The following ZFHX2 variants were observed in gnomAD, a reference collection of about 807,000 sequenced individuals.
ZFHX2 encodes the protein zinc finger homeobox 2.
A neutral mutation model predicts 164.8 loss-of-function variants in ZFHX2; 75 were observed. The observed-to-expected ratio is 0.46, with a 90% CI of 0.38 to 0.55. ZFHX2 has a LOEUF of 0.55. Among genes scored for constraint, ZFHX2 ranks in the 20% least tolerant of loss-of-function variants. ZFHX2 has a pLI of 0.00. For missense variants in ZFHX2, 2,933 were observed against 3,308.0 expected (o/e 0.89, Z 2.78); for synonymous variants, 1,217 against 1,351.4 (o/e 0.90, Z 2.18).
At chr14:23,552,448 A>C (rs1882045165), upstream of ZFHX2, among the ~76,000 whole-genome samples, 1 of 151,478 alleles carries the variant, frequency 6.6e-6, no homozygotes, top group Non-Finnish European at 1.5e-5. Context: ...ATGCATCAAC[A>C]CACCCAGCTA....
rs746863707 is a variant in ZFHX2, at chr14:23,531,699, G to A, written c.2582C>T (p.Ala861Val). ...TAGCCCCAGCTCTGCCCCTGCCTCC[G>A]CTCCCTCCATGTCCAGCAGAAACTA... ...IYKFLLDMEG[A>V]EAGAELGLYH... Residue 861 changes from alanine (A) to valine (V), a missense_variant, in exon 4 of 10, where the codon GCG (alanine) becomes GTG (valine). Ala to Val is a moderately conservative substitution (Grantham distance 64). Transcript: ENST00000419474. 26 of 1,374,720 alleles carry A rather than the reference G, an allele frequency of 1.9e-5. No individual in the cohort carries two copies. In the African/African-American group the frequency reaches 2.3e-4, roughly 12 times the overall value. The allele number at this position is 1,374,720 out of a possible 1,614,324, so 85.2% of individuals were successfully genotyped here.
upstream of ZFHX2, among the ~76,000 whole-genome samples, chr14:23,553,076 T>C (rs1251994788): frequency 6.6e-6 from 1 of 152,108 alleles, no homozygotes; most frequent in Non-Finnish European, 1.5e-5. Context: ...AGGCCCAAGG[T>C]CCAATGGCCA....
rs758713774 is a variant in ZFHX2 at position 23,525,260 on chromosome 14, C to T, written c.4682G>A (p.Gly1561Glu). Reference protein sequence around the residue: ...PFLVPEPEAGGTRAPEERSRA... With the variant: ...PFLVPEPEAGETRAPEERSRA... ...ACTTCGCTCTTCAGGGGCACGGGTC[C>T]CCCCTGCCTCAGGCTCTGGGACCAG... The change falls in exon 9 of 10, where the codon GGG becomes GAG. Residue 1561 changes from glycine to glutamate, a missense_variant. Coordinates refer to ENST00000419474, the MANE Select transcript of ZFHX2 (RefSeq NM_033400.3). The surrounding 1 kb of genome is among the most constrained non-coding windows in gnomAD (Gnocchi z 5.9). 2.3e-5 allele frequency: 35 copies of T among 1,535,946 alleles called. No individual in the cohort carries two copies. In the Admixed American group the frequency reaches 3.3e-4, roughly 15 times the overall value.
At position 23,533,440 on chromosome 14, in the gene ZFHX2, G is replaced by C. The variant is rs990271455; in HGVS notation, c.1886C>G (p.Pro629Arg). The change falls in exon 2 of 10, where the codon CCT (proline) becomes CGT (arginine). Residue 629 changes from proline (P) to arginine (R), a missense_variant. Transcript: ENST00000419474. This position sits in a 1 kb window ranked among gnomAD's most constrained non-coding sequence, Gnocchi z 4.8. ...GGGCCCAAAGTACTGGAAGAGTTCA[G>C]GGGGGCTAGTGGGGGTAGCCCCTGG... ...PPPGATPTSP[P>R]ELFQYFGPQA... The C allele has an allele frequency of 2.0e-6, 3 of 1,531,614 alleles. No individual in the cohort carries two copies. The highest frequency in any genetic ancestry group is 2.4e-5 in the East Asian group (1 of 40,838). 94.9% of individuals were successfully genotyped at this position (1,531,614 alleles called of 1,614,324 possible). A position where few individuals can be genotyped will look rare whatever the true frequency, so the allele number is the denominator to read the frequency against.
At position 23,532,554 on chromosome 14, in the gene ZFHX2, G is replaced by A. The variant is rs1359879565; in HGVS notation, c.2559+13C>T. The A allele has an allele frequency of 2.8e-6, 4 of 1,432,534 alleles. No individual in the cohort carries two copies. Among genetic ancestry groups the A allele is most frequent in the East Asian group, 2.5e-5 (1 of 39,734 alleles). 88.7% of individuals were successfully genotyped at this position (1,432,534 alleles called of 1,614,324 possible). On this transcript the variant is annotated intron_variant, in intron 3 of 9. Coordinates refer to ENST00000419474, the MANE Select transcript of ZFHX2 (RefSeq NM_033400.3). ...TTCTCCTCTTCCGATGGCCCTTCCT[G>A]ACCCAGCCTCACCTTATAGATTTGG... is the stretch of plus-strand genomic sequence containing the variant.
chr14:23,523,376 T>A lies in ZFHX2; in HGVS notation c.6566A>T (p.Tyr2189Phe). The change falls in exon 9 of 10, where the codon TAC (tyrosine) becomes TTC (phenylalanine). Residue 2189 changes from tyrosine (Y) to phenylalanine (F), a missense_variant. Transcript: ENST00000419474. This position sits in a 1 kb window ranked among gnomAD's most constrained non-coding sequence, Gnocchi z 4.1. ...RAQLKSESKC[Y>F]DLAPAPEAPP... ...AGCCTCAGGTGCTGGGGCCAAGTCGTAGCACTTGCTTTCACTCTTCAGCTG... is the reference window on the plus strand; with the variant it reads ...AGCCTCAGGTGCTGGGGCCAAGTCGAAGCACTTGCTTTCACTCTTCAGCTG... 6.7e-7 allele frequency: 1 copy of A among 1,491,430 alleles called. No homozygotes were observed. Among genetic ancestry groups the A allele is most frequent in the Non-Finnish European group, 8.9e-7 (1 of 1,124,070 alleles). 92.4% of individuals were successfully genotyped at this position (1,491,430 alleles called of 1,614,324 possible). A position where few individuals can be genotyped will look rare whatever the true frequency, so the allele number is the denominator to read the frequency against.
chr14:23,534,381 C>T lies in ZFHX2; in HGVS notation c.945G>A (p.Glu315=). 1 of 1,536,826 alleles carries T rather than the reference C, an allele frequency of 6.5e-7. No homozygotes were observed. Residue 315 remains glutamate, a synonymous_variant, in exon 2 of 10, where the codon GAG becomes GAA. Transcript: ENST00000419474. The surrounding 1 kb of genome is among the most constrained non-coding windows in gnomAD (Gnocchi z 4.5). ...PLDNSSTVNM[E]ANVAQTEDGP... The stretch of plus-strand genomic sequence containing the variant: ...CATCCTCTGTCTGGGCCACATTCGC[C>T]TCCATGTTCACTGTGCTGCTGTTGT...
Position 23,521,932 on chromosome 14 carries a change from C to T in ZFHX2, c.*30G>A. The stretch of plus-strand genomic sequence containing the variant: ...GGGGTAAAAGAGGGAGCCCTGAGGC[C>T]CTCCCCTCTCCCCATCTTGGTTAAT... On this transcript the variant is annotated 3_prime_UTR_variant, in exon 10 of 10. Transcript: ENST00000419474. 6.5e-7 allele frequency: 1 copy of T among 1,535,112 alleles called. No individual in the cohort carries two copies. Among genetic ancestry groups the T allele is most frequent in the Non-Finnish European group, 8.7e-7 (1 of 1,146,634 alleles).
chr14:23,545,136 C>G (rs1032195131), intron 1 of ZFHX2, among the ~76,000 whole-genome samples: 4 of 152,188 alleles, frequency 2.6e-5, no homozygotes, highest in Admixed American at 1.3e-4. Flanking sequence ...TCCCCTCCCC[C>G]ACATTGCCCT....
At chr14:23,542,529 A>AT (rs1880933622) in intron 1 of ZFHX2, among the ~76,000 whole-genome samples, 1 of 152,036 alleles carries the variant, frequency 6.6e-6, no homozygotes, top group Non-Finnish European at 1.5e-5. Flanking sequence ...GATCTATGTG[A>AT]TTTTATAGTA....
At position 23,534,193 on chromosome 14, in the gene ZFHX2, C is replaced by T. The variant is rs1879906781; in HGVS notation, c.1133G>A (p.Gly378Glu). 6.8e-7 allele frequency: 1 copy of T among 1,481,416 alleles called. No individual in the cohort carries two copies. The highest frequency in any genetic ancestry group is 8.9e-7 in the Non-Finnish European group (1 of 1,119,672). The allele number at this position is 1,481,416 out of a possible 1,614,324, so 91.8% of individuals were successfully genotyped here. A position where few individuals can be genotyped will look rare whatever the true frequency, so the allele number is the denominator to read the frequency against. Residue 378 changes from glycine to glutamate, a missense_variant, in exon 2 of 10, where the codon GGG becomes GAG. Coordinates refer to ENST00000419474, the MANE Select transcript of ZFHX2 (RefSeq NM_033400.3). The surrounding 1 kb of genome is among the most constrained non-coding windows in gnomAD (Gnocchi z 4.5). ...GCAGAGCCCTCCATCCTCTTCTTGC[C>T]CCTCAGGGAACCAATCTGGCCCTGC... is the stretch of plus-strand genomic sequence containing the variant. ...GEAGPDWFPE[G>E]QEEDGGLCPP... is the part of the protein sequence containing the mutation.
chr14:23,550,382 C>T (rs1881826378), intron 1 of ZFHX2, among the ~76,000 whole-genome samples: 1 of 152,192 alleles, frequency 6.6e-6, no homozygotes, highest in Non-Finnish European at 1.5e-5. Context: ...GATATCCAGA[C>T]AGACTCTGAA....
At position 23,546,888 on chromosome 14, in the gene ZFHX2, C is replaced by A. The variant is rs1881447639; in HGVS notation, c.-50+4455G>T. 6.6e-6 allele frequency among the ~76,000 whole-genome samples: 1 copy of A among 152,192 alleles called. No homozygotes were observed. The highest frequency in any genetic ancestry group is 2.4e-5 in the African/African-American group (1 of 41,432). On this transcript the variant is annotated intron_variant, in intron 1 of 9. Transcript: ENST00000419474. This position sits in a 1 kb window ranked among gnomAD's most constrained non-coding sequence, Gnocchi z 4.7. ...CCTTCAGGCCCCCCGCCCACCAGCC[C>A]CTTCTTTAGCTGCCCTGGCCTTGCT...
chr14:23,528,869 G>A (rs1250602075), intron 6 of ZFHX2: 1 of 978,782 alleles, frequency 1.0e-6, no homozygotes, highest in Non-Finnish European at 1.2e-6. Flanking sequence ...CATCCAGGCT[G>A]GCACCAGTGG....
intron 1 of ZFHX2, chr14:23,538,119 A>G (rs1041143508): frequency 2.0e-5 from 3 of 152,264 alleles, no homozygotes; most frequent in Non-Finnish European, 4.4e-5. Context: ...AGAACTGGAA[A>G]AAGACATAGC....
Position 23,535,194 on chromosome 14 carries a change from G to A in ZFHX2, c.132C>T (p.Ala44=), listed in dbSNP as rs1880009219. The A allele has an allele frequency of 3.9e-5, 60 of 1,530,458 alleles. No homozygotes were observed. Among genetic ancestry groups the A allele is most frequent in the Non-Finnish European group, 5.2e-5 (59 of 1,142,092 alleles). The allele number at this position is 1,530,458 out of a possible 1,614,324, so 94.8% of individuals were successfully genotyped here. The change falls in exon 2 of 10, where the codon GCC becomes GCT. Residue 44 remains alanine (A), a synonymous_variant. Coordinates refer to ENST00000419474, the MANE Select transcript of ZFHX2 (RefSeq NM_033400.3). This position sits in a 1 kb window ranked among gnomAD's most constrained non-coding sequence, Gnocchi z 4.5. The stretch of plus-strand genomic sequence containing the variant: ...ACCTCATGTTCTCAGAGGTGGAGGA[G>A]GCAGCAGGGGGATCTTTGGTGACAG... The part of the protein sequence containing the change: ...SDPVTKDPPA[A]SSTSENMRSS...
chr14:23,528,535 G>T, intron 6 of ZFHX2: 1 of 906,392 alleles, frequency 1.1e-6, no homozygotes, highest in Non-Finnish European at 1.3e-6. Context: ...TCTGTGAAAT[G>T]GTTCCATTTC....
rs111411886 is a variant in ZFHX2 at position 23,521,386 on chromosome 14, G to C, written c.*576C>G. 6 of 152,508 alleles carry C rather than the reference G, an allele frequency of 3.9e-5. No homozygotes were observed. Among genetic ancestry groups the C allele is most frequent in the African/African-American group, 1.4e-4 (6 of 41,582 alleles). The allele number at this position is 152,508 out of a possible 1,614,324, so 9.4% of individuals were successfully genotyped here. A position where few individuals can be genotyped will look rare whatever the true frequency, so the allele number is the denominator to read the frequency against. On this transcript the variant is annotated 3_prime_UTR_variant, in exon 10 of 10. Coordinates refer to ENST00000419474, the MANE Select transcript of ZFHX2 (RefSeq NM_033400.3). ...TGGGAGCCAACTGAGCATTTGGAAA[G>C]AGTTTGTGAGCGGTGTGGTGCTCTA...
At position 23,521,952 on chromosome 14, in the gene ZFHX2, G is replaced by C. The variant is rs1878049145; in HGVS notation, c.*10C>G. On this transcript the variant is annotated 3_prime_UTR_variant, in exon 10 of 10. Coordinates refer to ENST00000419474, the MANE Select transcript of ZFHX2 (RefSeq NM_033400.3). ...GAGGCCCTCCCCTCTCCCCATCTTG[G>C]TTAATCTGTTTATAAAGCTAGAAGT... is the stretch of plus-strand genomic sequence containing the variant. The C allele has an allele frequency of 6.5e-7, 1 of 1,536,054 alleles. No individual in the cohort carries two copies. Among genetic ancestry groups the C allele is most frequent in the Non-Finnish European group, 8.7e-7 (1 of 1,146,854 alleles).
Sources: gnomAD v4.1 joint callset for allele counts (sites outside exome capture counted in the v4.1 genomes callset) on GRCh38, gnomAD v4.1.1 for gene constraint, Gnocchi (gnomAD v3.1) non-coding constraint, MANE v1.5 for transcripts, NCBI Gene and HGNC (gene_info 2026-07-23, HGNC 2026-07-21) for gene names.